VPS13B: variants seen among roughly 807,000 people sequenced by gnomAD.
VPS13B encodes the protein intermembrane lipid transfer protein VPS13B.
A neutral mutation model predicts 426.4 loss-of-function variants in VPS13B; 285 were observed. The ratio of observed to expected loss-of-function variants is 0.67; its 90% CI spans 0.61 to 0.74. The LOEUF (loss-of-function observed/expected upper bound fraction) is 0.74, where lower values mean the gene tolerates loss of function less well. Among genes scored for constraint, VPS13B ranks in the 30% least tolerant of loss-of-function variants. The probability of loss-of-function intolerance (pLI) is 0.00; values close to 1 mark genes in which losing one functional copy is unlikely to be tolerated. For missense variants in VPS13B, 4,537 were observed against 4,782.6 expected, an observed-to-expected ratio of 0.95 and a Z score of 1.51; for synonymous variants, 1,676 against 1,676.4, an observed-to-expected ratio of 1.00 and a Z score of 0.01.
At chr8:99,753,292 G>A (rs1050415465) in intron 39 of VPS13B, among the ~76,000 whole-genome samples, 11 of 152,250 alleles carry the variant, frequency 7.2e-5, no homozygotes, top group East Asian at 5.8e-4. Flanking sequence ...TAAGGCTTAC[G>A]TTGGTTAGGT....
At chr8:99,477,484 T>TACTG (rs1284372039) in intron 24 of VPS13B, among the ~76,000 whole-genome samples, 4 of 152,240 alleles carry the variant, frequency 2.6e-5, no homozygotes, top group Non-Finnish European at 4.4e-5. Context: ...TAAGATTGCA[T>TACTG]ACTGAGGTAT....
intron 39 of VPS13B, among the ~76,000 whole-genome samples, chr8:99,725,161 T>G (rs1003954236): frequency 3.9e-5 from 6 of 152,242 alleles, no homozygotes; most frequent in Non-Finnish European, 8.8e-5. Context: ...ACTACTTTTA[T>G]GCTATTTTTC....
chr8:99,458,284 A>G (rs904047713), intron 23 of VPS13B, among the ~76,000 whole-genome samples: 8 of 152,080 alleles, frequency 5.3e-5, no homozygotes, highest in African/African-American at 1.9e-4. Flanking sequence ...TCCATGGTGT[A>G]TATGTGCCAC....
chr8:99,127,375 A>T (rs942248098), intron 8 of VPS13B, among the ~76,000 whole-genome samples: 1 of 152,134 alleles, frequency 6.6e-6, no homozygotes, highest in African/African-American at 2.4e-5. Context: ...TTCCACTTTC[A>T]TATCTGATTG....
At chr8:99,048,598 A>C (rs183057517) in intron 3 of VPS13B, among the ~76,000 whole-genome samples, 13 of 152,100 alleles carry the variant, frequency 8.5e-5, no homozygotes, top group Admixed American at 5.9e-4. Context: ...GCGGATTACC[A>C]GTGGTCGGGA....
At chr8:99,621,124 C>T (rs1214403524) in intron 33 of VPS13B, among the ~76,000 whole-genome samples, 1 of 152,008 alleles carries the variant, frequency 6.6e-6, no homozygotes, top group Non-Finnish European at 1.5e-5. Flanking sequence ...AGATTATTTC[C>T]CACAGAATTT....
intron 33 of VPS13B, among the ~76,000 whole-genome samples, chr8:99,621,648 A>C (rs1043460733): frequency 1.4e-4 from 22 of 152,208 alleles, no homozygotes; most frequent in African/African-American, 5.3e-4. Context: ...GACTTATGTA[A>C]GATAAGTTAT....
At chr8:99,767,156 CTG>C in intron 40 of VPS13B, among the ~76,000 whole-genome samples, 186 bp downstream of exon 40, 1 of 151,986 alleles carries the variant, frequency 6.6e-6, no homozygotes, top group East Asian at 1.9e-4. Flanking sequence ...ACTCAAAATC[CTG>C]TGTTTTTACT....
At chr8:99,496,378 A>T (rs1430934478) in intron 25 of VPS13B, among the ~76,000 whole-genome samples, 1 of 152,194 alleles carries the variant, frequency 6.6e-6, no homozygotes, top group East Asian at 1.9e-4. Flanking sequence ...TAGACTGGGC[A>T]TGTTGGCTCA....
chr8:99,300,382 A>T (rs1820296130), intron 19 of VPS13B, among the ~76,000 whole-genome samples: 1 of 152,224 alleles, frequency 6.6e-6, no homozygotes, highest in African/African-American at 2.4e-5. Context: ...TAGTTAAAAG[A>T]ATATATATTT....
chr8:99,091,613 C>T lies in VPS13B; in HGVS notation c.292-4699C>T, dbSNP rs936210605. ...GAGTTGAGTCAGATTTCTATTTTTA[C>T]CATGAAAGTTAGTGAATGTGTTTTC... On this transcript the variant is annotated intron_variant, in intron 3 of 61. Transcript: ENST00000357162. The T allele has an allele frequency of 2.6e-5, 4 of 152,094 alleles. No individual in the cohort carries two copies. The East Asian group carries it at 5.8e-4, about 22-fold the overall frequency. The allele number at this position is 152,094 out of a possible 1,614,324, so 9.4% of individuals were successfully genotyped here.
chr8:99,495,627 G>C (rs1040729774), intron 25 of VPS13B, among the ~76,000 whole-genome samples: 1 of 152,148 alleles, frequency 6.6e-6, no homozygotes, highest in Non-Finnish European at 1.5e-5. Context: ...GCTGCCTCTA[G>C]CCTGGGACCC....
intron 3 of VPS13B, chr8:99,094,060 C>T (rs1846305842): frequency 6.6e-6 from 1 of 152,012 alleles, no homozygotes; most frequent in Non-Finnish European, 1.5e-5. Context: ...CTCACATATG[C>T]CAGATTTATT....
intron 30 of VPS13B, among the ~76,000 whole-genome samples, chr8:99,540,922 A>G (rs1823583397): frequency 6.6e-6 from 1 of 152,122 alleles, no homozygotes; most frequent in Non-Finnish European, 1.5e-5. Context: ...TTATTTTCTT[A>G]AAGTGTATAG....
intron 17 of VPS13B, among the ~76,000 whole-genome samples, chr8:99,222,665 T>G (rs1815791044): frequency 6.6e-6 from 1 of 152,198 alleles, no homozygotes; most frequent in Admixed American, 6.5e-5. Context: ...TGACATTGTA[T>G]TATTTGTTTT....
At chr8:99,436,532 G>C (rs1817385086) in intron 22 of VPS13B, among the ~76,000 whole-genome samples, 1 of 152,006 alleles carries the variant, frequency 6.6e-6, no homozygotes, top group African/African-American at 2.4e-5. Flanking sequence ...AATCATTGCA[G>C]TACCAAATAA....
intron 19 of VPS13B, among the ~76,000 whole-genome samples, chr8:99,334,761 A>G (rs1810730127): frequency 6.6e-6 from 1 of 152,144 alleles, no homozygotes; most frequent in Non-Finnish European, 1.5e-5. Context: ...TCGGTTTGCC[A>G]GTATTTTATT....
intron 30 of VPS13B, among the ~76,000 whole-genome samples, chr8:99,552,213 T>C (rs1331052725): frequency 6.6e-6 from 1 of 152,066 alleles, no homozygotes; most frequent in Admixed American, 6.6e-5. Flanking sequence ...TGTTCCCTGC[T>C]CATACTTTGA....
chr8:99,826,286 A>G (rs1814677831), intron 51 of VPS13B, among the ~76,000 whole-genome samples: 1 of 152,138 alleles, frequency 6.6e-6, no homozygotes. Context: ...GGTCCTTCAC[A>G]TCCCTTGTAA....
Sources: allele counts gnomAD v4.1 joint callset (sites outside exome capture counted in the v4.1 genomes callset), GRCh38; gene constraint gnomAD v4.1.1; transcripts MANE v1.5; gene names NCBI Gene and HGNC (gene_info 2026-07-23, HGNC 2026-07-21).